The following BTBD19 variants were observed in gnomAD, a reference collection of about 807,000 sequenced individuals.
The protein encoded by BTBD19 is BTB/POZ domain-containing protein 19.
BTBD19 carries 20 observed loss-of-function variants against 36.1 expected under a neutral mutation model. The ratio of observed to expected loss-of-function variants is 0.55; its 90% confidence interval spans 0.39 to 0.80. The LOEUF is 0.80. Ranked by LOEUF, BTBD19 falls within the 30% of genes least tolerant of loss-of-function variation. The pLI, the probability that BTBD19 is intolerant of heterozygous loss-of-function variation, is 0.00. For synonymous variants in BTBD19, 157 were observed against 174.3 expected, an observed-to-expected ratio of 0.90 and a Z score of 0.78; for missense variants, 325 against 389.8, an observed-to-expected ratio of 0.83 and a Z score of 1.40.
rs550095946 is a variant in BTBD19, at chr1:44,811,948, C to T, written c.355-91C>T. The T allele has an allele frequency of 2.6e-5, 28 of 1,071,094 alleles. No individual in the cohort carries two copies. The African/African-American group carries it at 4.1e-4, about 16-fold the overall frequency. The allele number at this position is 1,071,094 out of a possible 1,614,324, so 66.3% of individuals were successfully genotyped here. A position where few individuals can be genotyped will look rare whatever the true frequency, so the allele number is the denominator to read the frequency against. ...GGGTCTGGGGCTGCTGGGTGACTCACCGCTCCAAGCCTGCTCACTGCTTCT... is the reference window on the plus strand; with the variant it reads ...GGGTCTGGGGCTGCTGGGTGACTCATCGCTCCAAGCCTGCTCACTGCTTCT... On this transcript the variant is annotated intron_variant, in intron 3 of 7. Transcript: ENST00000450269.
chr1:44,810,746 G>A lies in BTBD19; in HGVS notation c.354+139G>A. The A allele has an allele frequency of 1.3e-6, 1 of 764,886 alleles. No homozygotes were observed. The highest frequency in any genetic ancestry group is 1.8e-5 in the South Asian group (1 of 56,004). The allele number at this position is 764,886 out of a possible 1,614,324, so 47.4% of individuals were successfully genotyped here. Reference sequence around the variant, plus strand: ...AAGTATGTATATCTCTCCCAAGTAAGTAGGGCATGTATGTGTGCCTGTGTG... The same window carrying A: ...AAGTATGTATATCTCTCCCAAGTAAATAGGGCATGTATGTGTGCCTGTGTG... On this transcript the variant is annotated intron_variant, in intron 3 of 7. Coordinates refer to ENST00000450269, the Ensembl canonical transcript of BTBD19. The surrounding 1 kb of genome is among the most constrained non-coding windows in gnomAD (Gnocchi z 4.2).
exon 1 of BTBD19, chr1:44,808,869 G>T (rs1017552358): frequency 1.3e-6 from 2 of 1,550,010 alleles, no homozygotes; most frequent in Middle Eastern, 1.7e-4. Context: ...ACCTTTTTCC[G>T]CAGCACTCCG....
At chr1:44,808,545 CCG>C in exon 1 of BTBD19, 1 of 318,608 alleles carries the variant, frequency 3.1e-6, no homozygotes, top group Non-Finnish European at 5.7e-6. Flanking sequence ...GCCGCCGCCG[CCG>C]CCGCCAGCCA....
At chr1:44,814,061 CT>C (rs2148865944) in exon 8 of BTBD19, 2 of 566,880 alleles carry the variant, frequency 3.5e-6, no homozygotes, top group East Asian at 6.1e-5. Context: ...CGCCCTGCCC[CT>C]GGGCATTGTC....
In BTBD19 at chr1:44,808,616, C is replaced by A; in HGVS notation, c.-205C>A. 1 of 428,696 alleles carries A rather than the reference C, an allele frequency of 2.3e-6. No individual in the cohort carries two copies. Among genetic ancestry groups the A allele is most frequent in the South Asian group, 4.6e-5 (1 of 21,740 alleles). The allele number at this position is 428,696 out of a possible 1,614,324, so 26.6% of individuals were successfully genotyped here. A position where few individuals can be genotyped will look rare whatever the true frequency, so the allele number is the denominator to read the frequency against. On this transcript the variant is annotated 5_prime_UTR_variant, in exon 1 of 8. It adds an upstream start codon to the 5' untranslated region. Transcript: ENST00000450269. ...GCCTCAGCTTCTCCTGGCCCCCTCCCTGTGTCTGTTCCTGTCCCCGAGCCT... is the reference window on the plus strand; with the variant it reads ...GCCTCAGCTTCTCCTGGCCCCCTCCATGTGTCTGTTCCTGTCCCCGAGCCT...
Position 44,813,512 on chromosome 1 carries a change from G to A in BTBD19, c.741+13G>A. The stretch of plus-strand genomic sequence containing the variant: ...ACCACTCATCCCGGTGGGGACGCGG[G>A]GAACCGGCCCAGCTCCACTCAGCAG... On this transcript the variant is annotated intron_variant, in intron 7 of 7. Coordinates refer to ENST00000450269, the Ensembl canonical transcript of BTBD19. This position sits in a 1 kb window ranked among gnomAD's most constrained non-coding sequence, Gnocchi z 7.8. 1 of 1,549,894 alleles carries A rather than the reference G, an allele frequency of 6.5e-7. No individual in the cohort carries two copies. The highest frequency in any genetic ancestry group is 8.7e-7 in the Non-Finnish European group (1 of 1,146,000).
exon 8 of BTBD19, chr1:44,814,069 TGTC>T (rs1652573106): frequency 1.8e-6 from 1 of 559,544 alleles, no homozygotes; most frequent in Admixed American, 3.1e-5. Flanking sequence ...CCCTGGGCAT[TGTC>T]GTCTACTAGT....
At position 44,809,110 on chromosome 1, in the gene BTBD19, C is replaced by T. The variant is rs145996013; in HGVS notation, c.86+204C>T. ...CCCTGAGGGCCAGAGGCAAGGCTGG[C>T]GGGGTGGAGCTGCTGTGTGAGCTCA... is the stretch of plus-strand genomic sequence containing the variant. On this transcript the variant is annotated intron_variant, in intron 1 of 7. Coordinates refer to ENST00000450269, the Ensembl canonical transcript of BTBD19. Among the ~76,000 whole-genome samples the T allele has an allele frequency of 2.4e-3, 362 of 152,164 alleles. 6 individuals are homozygous for T. The highest frequency in any genetic ancestry group is 1.3e-3 in the Non-Finnish European group (85 of 67,992).
exon 1 of BTBD19, chr1:44,808,765 C>G: frequency 3.0e-6 from 4 of 1,340,376 alleles, no homozygotes; most frequent in Non-Finnish European, 4.1e-6. Flanking sequence ...CTCACCAGCT[C>G]TAGGGCCTGG....
At position 44,813,939 on chromosome 1, in the gene BTBD19, A is replaced by G; in HGVS notation, c.*167A>G. ...TGCCACGCGCAGCCCCTTGTGCGGG[A>G]TCAAGCCCGTGTGGGCGAGGTGGGG... On this transcript the variant is annotated 3_prime_UTR_variant, in exon 8 of 8. Transcript: ENST00000450269. The surrounding 1 kb of genome is among the most constrained non-coding windows in gnomAD (Gnocchi z 7.8). 3.4e-6 allele frequency: 4 copies of G among 1,178,156 alleles called. No homozygotes were observed. Among genetic ancestry groups the G allele is most frequent in the Non-Finnish European group, 4.7e-6 (4 of 843,880 alleles). 73.0% of individuals were successfully genotyped at this position (1,178,156 alleles called of 1,614,324 possible). A position where few individuals can be genotyped will look rare whatever the true frequency, so the allele number is the denominator to read the frequency against.
chr1:44,814,148 C>CTCTT (rs1553163473), downstream of BTBD19: 21,019 of 158,862 alleles, frequency 0.13, 1,961 homozygotes, highest in African/African-American at 0.16. Flanking sequence ...CTTTTTCTTT[C>CTCTT]TCTTTCTTTC....
At position 44,813,540 on chromosome 1, in the gene BTBD19, G is replaced by C. The variant is rs1363081004; in HGVS notation, c.741+41G>C. ...ACCGGCCCAGCTCCACTCAGCAGGG[G>C]GTACAGGGCGCTGGGAGGGGGCAGG... On this transcript the variant is annotated intron_variant, in intron 7 of 7. Transcript: ENST00000450269. This position sits in a 1 kb window ranked among gnomAD's most constrained non-coding sequence, Gnocchi z 7.8. The C allele has an allele frequency of 3.9e-6, 6 of 1,540,836 alleles. No homozygotes were observed. The highest frequency in any genetic ancestry group is 5.3e-6 in the Non-Finnish European group (6 of 1,140,248).
At chr1:44,808,928 C>G in intron 1 of BTBD19, 22 bp downstream of exon 1, 1 of 1,517,534 alleles carries the variant, frequency 6.6e-7, no homozygotes, top group Non-Finnish European at 8.9e-7. Context: ...GCCCTGCCTG[C>G]GGGTTTTTCT....
rs1408905973 is a variant in BTBD19, at chr1:44,808,919, C to T, written c.86+13C>T. On this transcript the variant is annotated intron_variant, in intron 1 of 7. Coordinates refer to ENST00000450269, the Ensembl canonical transcript of BTBD19. ...ACCCGCGATACAGGTGAGGGGTGGG[C>T]CCTGCCTGCGGGTTTTTCTTAGCTG... 6.5e-6 allele frequency: 10 copies of T among 1,531,526 alleles called. No homozygotes were observed. The highest frequency in any genetic ancestry group is 8.8e-6 in the Non-Finnish European group (10 of 1,136,128). 94.9% of individuals were successfully genotyped at this position (1,531,526 alleles called of 1,614,324 possible).
chr1:44,813,163 TG>T lies in BTBD19; in HGVS notation c.511del (p.Glu171SerfsTer50), dbSNP rs1414296854. 5 of 1,541,818 alleles carry T rather than the reference TG, an allele frequency of 3.2e-6. No homozygotes were observed. Among genetic ancestry groups the T allele is most frequent in the Non-Finnish European group, 4.4e-6 (5 of 1,144,786 alleles). ...GAGGCCCTCCGGACCCGAGGCTTCCTGGAGCTGTCGGCGGCCGCGCTGCTGC... is the reference window on the plus strand; with the variant it reads ...GAGGCCCTCCGGACCCGAGGCTTCCTGAGCTGTCGGCGGCCGCGCTGCTGC... On this transcript the variant is annotated frameshift_variant, in exon 6 of 8. Coordinates refer to ENST00000450269, the Ensembl canonical transcript of BTBD19. LOFTEE classifies it high-confidence loss of function. This position sits in a 1 kb window ranked among gnomAD's most constrained non-coding sequence, Gnocchi z 7.8.
chr1:44,813,925 G>C lies in BTBD19; in HGVS notation c.*153G>C, dbSNP rs971718150. ...GAAGAACCGTTGTCTGCCACGCGCA[G>C]CCCCTTGTGCGGGATCAAGCCCGTG... On this transcript the variant is annotated 3_prime_UTR_variant, in exon 8 of 8. Transcript: ENST00000450269. This position sits in a 1 kb window ranked among gnomAD's most constrained non-coding sequence, Gnocchi z 7.8. The C allele has an allele frequency of 5.6e-5, 70 of 1,259,806 alleles. No homozygotes were observed. In the South Asian group the frequency reaches 9.4e-4, roughly 17 times the overall value. The allele number at this position is 1,259,806 out of a possible 1,614,324, so 78.0% of individuals were successfully genotyped here. A position where few individuals can be genotyped will look rare whatever the true frequency, so the allele number is the denominator to read the frequency against.
chr1:44,813,365 C>T lies in BTBD19; in HGVS notation c.616-9C>T, dbSNP rs1227684234. The T allele has an allele frequency of 1.3e-6, 2 of 1,545,378 alleles. No individual in the cohort carries two copies. Among genetic ancestry groups the T allele is most frequent in the East Asian group, 2.4e-5 (1 of 40,904 alleles). ...GGACAGGTGCCCGACTCAGGGCTGG[C>T]GTTTGCAGGCGGTGCTGGAGCGGCC... On this transcript the variant is annotated splice_polypyrimidine_tract_variant and intron_variant, in intron 6 of 7. Transcript: ENST00000450269. This position sits in a 1 kb window ranked among gnomAD's most constrained non-coding sequence, Gnocchi z 7.8.
intron 4 of BTBD19, 141 bp from the exon 5 acceptor site, chr1:44,812,855 G>GTCTAGTT (rs1652488266): frequency 3.1e-6 from 2 of 637,366 alleles, no homozygotes; most frequent in Non-Finnish European, 5.4e-6. Context: ...CTTTCATTGG[G>GTCTAGTT]TCTAGTTTCC....
chr1:44,813,314 G>A lies in BTBD19; in HGVS notation c.615+45G>A, dbSNP rs1372661705. 2 of 1,538,580 alleles carry A rather than the reference G, an allele frequency of 1.3e-6. No homozygotes were observed. The highest frequency in any genetic ancestry group is 1.7e-4 in the Middle Eastern group (1 of 5,984). ...CGCAAGGGCACGGAAGGAGGTGCTG[G>A]CCACGAGACTGGTGAGCGGGCGGCA... On this transcript the variant is annotated intron_variant, in intron 6 of 7. Coordinates refer to ENST00000450269, the Ensembl canonical transcript of BTBD19. This position sits in a 1 kb window ranked among gnomAD's most constrained non-coding sequence, Gnocchi z 7.8.
Sources: allele counts gnomAD v4.1 joint callset (sites outside exome capture counted in the v4.1 genomes callset), GRCh38; gene constraint gnomAD v4.1.1; non-coding constraint Gnocchi (gnomAD v3.1); transcripts MANE v1.5; gene names NCBI Gene and HGNC (gene_info 2026-07-23, HGNC 2026-07-21).